The following DPH6 variants were observed in gnomAD, a reference collection of about 807,000 sequenced individuals.
The protein encoded by DPH6 is diphthamine biosynthesis 6.
DPH6 carries 33 observed loss-of-function variants against 38.2 expected under a neutral mutation model. That is an observed-to-expected ratio of 0.86 (90% CI 0.65 to 1.15). The LOEUF is 1.15. DPH6 is among the 50% of genes most tolerant of loss of function. The pLI is 0.00. For missense variants in DPH6, 325 were observed against 320.0 expected (o/e 1.02, Z -0.12); for synonymous variants, 108 against 103.0 (o/e 1.05, Z -0.30).
chr15:35,405,804 C>T (rs1221472704), intron 6 of DPH6, among the ~76,000 whole-genome samples: 5 of 152,066 alleles, frequency 3.3e-5, no homozygotes, highest in South Asian at 4.1e-4. Context: ...TTCAGTTTTT[C>T]CCCATTCAGT....
At chr15:35,182,847 T>C in the DPH6 span, among the ~76,000 whole-genome samples, 2 of 152,222 alleles carry the variant, frequency 1.3e-5, no homozygotes, top group African/African-American at 4.8e-5. Context: ...TGCTTGTTTT[T>C]AGAGGCTGCA....
At chr15:35,352,138 T>C (rs2052518117) in intron 3 of DPH6, among the ~76,000 whole-genome samples, 1 of 152,238 alleles carries the variant, frequency 6.6e-6, no homozygotes, top group East Asian at 1.9e-4. Context: ...ATGATTACAG[T>C]ATTACAATTT....
chr15:35,536,290 T>G (rs1484869622), intron 3 of DPH6, among the ~76,000 whole-genome samples: 2 of 152,030 alleles, frequency 1.3e-5, no homozygotes, highest in Non-Finnish European at 2.9e-5. Flanking sequence ...AATATATTTC[T>G]GATATTTATG....
chr15:35,403,981 G>C (rs1482617095), intron 6 of DPH6, among the ~76,000 whole-genome samples: 1 of 152,084 alleles, frequency 6.6e-6, no homozygotes, highest in Non-Finnish European at 1.5e-5. Context: ...TGTGATGTTT[G>C]TATTTCTGTG....
chr15:35,373,694 A>C (rs2052743770), intron 7 of DPH6, 86 bp from the exon 8 acceptor site: 1 of 1,023,784 alleles, frequency 9.8e-7, no homozygotes, highest in Non-Finnish European at 1.4e-6. Context: ...GAGACTAAAC[A>C]TTCTTGTTTT....
intron 5 of DPH6, among the ~76,000 whole-genome samples, chr15:35,447,711 T>C (rs1284323529): frequency 6.6e-6 from 1 of 152,162 alleles, no homozygotes; most frequent in Admixed American, 6.5e-5. Context: ...ATGTAATGTA[T>C]TGATATTGTG....
chr15:35,378,997 A>C (rs1374029697), intron 7 of DPH6, among the ~76,000 whole-genome samples: 3 of 151,722 alleles, frequency 2.0e-5, no homozygotes, highest in Non-Finnish European at 4.4e-5. Flanking sequence ...AAACAAACAA[A>C]CCCCCGAGGT....
Position 35,372,221 on chromosome 15 carries a change from G to A in DPH6, c.751-18C>T. On this transcript the variant is annotated intron_variant, in intron 8 of 8. Coordinates refer to ENST00000256538, the MANE Select transcript of DPH6 (RefSeq NM_080650.4). ...GAGGACACCTAAAAAAAAAAGGGAA[G>A]GAAAGGGAAGGAAAATGCACCATAT... The A allele has an allele frequency of 1.4e-6, 2 of 1,479,498 alleles. No homozygotes were observed. Among genetic ancestry groups the A allele is most frequent in the South Asian group, 1.4e-5 (1 of 69,326 alleles). The allele number at this position is 1,479,498 out of a possible 1,614,324, so 91.6% of individuals were successfully genotyped here.
intron 3 of DPH6, chr15:35,365,755 A>G: frequency 1.0e-6 from 1 of 983,870 alleles, no homozygotes; most frequent in Non-Finnish European, 1.2e-6. Flanking sequence ...CATTTACTCG[A>G]GACAGAAATG....
intron 3 of DPH6, among the ~76,000 whole-genome samples, chr15:35,460,321 C>A (rs375170080): frequency 1.3e-5 from 2 of 152,122 alleles, no homozygotes; most frequent in East Asian, 3.8e-4. Flanking sequence ...AAATTACATT[C>A]TTGTCATGAA....
the DPH6 span, among the ~76,000 whole-genome samples, chr15:35,166,712 G>C: frequency 2.0e-5 from 3 of 151,944 alleles, no homozygotes; most frequent in Admixed American, 6.6e-5. Context: ...CTTTTAAAAA[G>C]TGAGTAATTG....
At chr15:35,441,360 T>C (rs147574758) in intron 5 of DPH6, among the ~76,000 whole-genome samples, 16,905 of 152,182 alleles carry the variant, frequency 0.11, 1,000 homozygotes, top group Middle Eastern at 0.2. Flanking sequence ...CACATGCACA[T>C]GTATGTTTAC....
chr15:35,147,226 T>C, the DPH6 span, among the ~76,000 whole-genome samples: 96,517 of 151,946 alleles, frequency 0.64, 31,304 homozygotes, highest in Middle Eastern at 0.74. Context: ...AGGGAGGTTA[T>C]AGAAATTGCC....
At chr15:35,255,011 C>T (rs1355335063) in intron 3 of DPH6, among the ~76,000 whole-genome samples, 1 of 152,172 alleles carries the variant, frequency 6.6e-6, no homozygotes, top group Non-Finnish European at 1.5e-5. Flanking sequence ...GCTGTTTTTA[C>T]TTCTTTTGTG....
intron 3 of DPH6, among the ~76,000 whole-genome samples, chr15:35,270,322 T>A (rs1357326722): frequency 6.6e-6 from 1 of 152,222 alleles, no homozygotes; most frequent in Non-Finnish European, 1.5e-5. Context: ...AGAGAAACAA[T>A]ATTATGAATG....
chr15:35,381,353 T>C (rs956015402), intron 7 of DPH6, among the ~76,000 whole-genome samples: 2 of 152,212 alleles, frequency 1.3e-5, no homozygotes, highest in Non-Finnish European at 2.9e-5. Flanking sequence ...ACAAAGTTTA[T>C]GTGTAAAAAT....
intron 3 of DPH6, among the ~76,000 whole-genome samples, chr15:35,227,884 T>C (rs1458856091): frequency 1.3e-5 from 2 of 152,152 alleles, no homozygotes; most frequent in African/African-American, 4.8e-5. Context: ...TATTGACCCA[T>C]TGATCATTTG....
At chr15:35,269,790 C>CTTTTTTT (rs1198000526) in intron 3 of DPH6, among the ~76,000 whole-genome samples, 1 of 108,546 alleles carries the variant, frequency 9.2e-6, no homozygotes, top group Non-Finnish European at 1.9e-5. Flanking sequence ...GGGTGTGTTT[C>CTTTTTTT]TTTTTTTTTT....
intron 3 of DPH6, among the ~76,000 whole-genome samples, chr15:35,262,888 A>C (rs1322761582): frequency 1.3e-5 from 2 of 152,148 alleles, no homozygotes; most frequent in African/African-American, 4.8e-5. Flanking sequence ...TACATGTCTT[A>C]AAGTAGAAAA....
Sources: allele counts gnomAD v4.1 joint callset (sites outside exome capture counted in the v4.1 genomes callset), GRCh38; gene constraint gnomAD v4.1.1; transcripts MANE v1.5; gene names NCBI Gene and HGNC (gene_info 2026-07-23, HGNC 2026-07-21).